The following HEATR5B variants were observed in gnomAD, a reference collection of about 807,000 sequenced individuals.
The protein encoded by HEATR5B is HEAT repeat-containing protein 5B.
HEATR5B carries 156 observed loss-of-function variants against 224.1 expected under a neutral mutation model. The ratio of observed to expected loss-of-function variants is 0.70; its 90% CI spans 0.61 to 0.80. The LOEUF (loss-of-function observed/expected upper bound fraction) is 0.80, where lower values mean the gene tolerates loss of function less well. Ranked by LOEUF, HEATR5B falls within the 30% of genes least tolerant of loss-of-function variation. The pLI is 0.00. For missense variants in HEATR5B, 2,323 were observed against 2,535.5 expected (o/e 0.92, Z 1.80); for synonymous variants, 1,027 against 893.0 (o/e 1.15, Z -2.68).
In HEATR5B at chr2:36,981,228, C is replaced by G; in HGVS notation, c.*262G>C. 3.0e-6 allele frequency: 1 copy of G among 329,168 alleles called. No homozygotes were observed. The highest frequency in any genetic ancestry group is 2.1e-5 in the African/African-American group (1 of 46,860). 20.4% of individuals were successfully genotyped at this position (329,168 alleles called of 1,614,324 possible). A position where few individuals can be genotyped will look rare whatever the true frequency, so the allele number is the denominator to read the frequency against. Reference sequence around the variant, plus strand: ...TTAGCATTTAAATTTAAGACTATGGCTCAGTGTTTGAAAAATAAATAAGTT... The same window carrying G: ...TTAGCATTTAAATTTAAGACTATGGGTCAGTGTTTGAAAAATAAATAAGTT... On this transcript the variant is annotated 3_prime_UTR_variant, in exon 36 of 36. Transcript: ENST00000233099.
chr2:37,033,900 T>C (rs575064620), intron 21 of HEATR5B, among the ~76,000 whole-genome samples: 1 of 152,202 alleles, frequency 6.6e-6, no homozygotes, highest in South Asian at 2.1e-4. Flanking sequence ...ATTATTAGTA[T>C]AAATCTGACT....
intron 35 of HEATR5B, among the ~76,000 whole-genome samples, chr2:36,984,200 C>CAAAAAAAAAAAAAAAAAAAAA (rs1208435239): frequency 1.0e-4 from 3 of 28,990 alleles, no homozygotes; most frequent in Non-Finnish European, 1.3e-4. Context: ...AACTCTGTCT[C>CAAAAAAAAAAAAAAAAAAAAA]AAAAAAAAAA....
At chr2:37,051,109 G>A (rs1312360250) in intron 17 of HEATR5B, among the ~76,000 whole-genome samples, 1 of 151,332 alleles carries the variant, frequency 6.6e-6, no homozygotes, top group Non-Finnish European at 1.5e-5. Context: ...TGTAATCCCA[G>A]CACTTTGGGA....
In HEATR5B at chr2:37,058,885, T is replaced by C; in HGVS notation, c.1949+3A>G. ...TGTGAACTTGTCTCAATCGCTTACT[T>C]ACTGTGACATCATAGTCATGGCACA... On this transcript the variant is annotated splice_donor_region_variant and intron_variant, in intron 13 of 35. Transcript: ENST00000233099. 1 of 1,555,684 alleles carries C rather than the reference T, an allele frequency of 6.4e-7. No homozygotes were observed. Among genetic ancestry groups the C allele is most frequent in the Non-Finnish European group, 8.9e-7 (1 of 1,129,880 alleles).
chr2:37,023,495 G>A (rs1358036956), intron 24 of HEATR5B, among the ~76,000 whole-genome samples: 2 of 152,152 alleles, frequency 1.3e-5, no homozygotes, highest in Non-Finnish European at 2.9e-5. Flanking sequence ...CTGGCCAGGT[G>A]CACTGACTCA....
chr2:37,053,415 A>G (rs772365350), intron 17 of HEATR5B, 87 bp downstream of exon 17: 15 of 625,280 alleles, frequency 2.4e-5, no homozygotes, highest in Non-Finnish European at 3.7e-5. Context: ...TTTACATATA[A>G]ACATTATAAT....
At chr2:37,082,809 T>C (rs1323100577) in intron 2 of HEATR5B, among the ~76,000 whole-genome samples, 2 of 152,224 alleles carry the variant, frequency 1.3e-5, no homozygotes, top group Non-Finnish European at 2.9e-5. Flanking sequence ...GATTTCCCAC[T>C]TTACACCTCT....
rs1671835109 is a variant in HEATR5B at position 37,070,375 on chromosome 2, TTC to T, written c.780_781del (p.Asn261CysfsTer7). On this transcript the variant is annotated frameshift_variant, in exon 7 of 36. Coordinates refer to ENST00000233099, the MANE Select transcript of HEATR5B (RefSeq NM_019024.3). LOFTEE classifies it high-confidence loss of function. ...TTCATCAAATGTTGCTCGCTTCACA[TTC>T]TGACGCATTACTTTCAAGAAGAAAA... 6.2e-7 allele frequency: 1 copy of T among 1,613,204 alleles called. No individual in the cohort carries two copies. Among genetic ancestry groups the T allele is most frequent in the Non-Finnish European group, 8.5e-7 (1 of 1,179,458 alleles).
At chr2:37,083,128 C>T (rs1257825432) in intron 2 of HEATR5B, among the ~76,000 whole-genome samples, 161 bp downstream of exon 2, 1 of 152,152 alleles carries the variant, frequency 6.6e-6, no homozygotes, top group African/African-American at 2.4e-5. Context: ...TGGATTTAAA[C>T]GAGGTTTGAG....
In HEATR5B at chr2:37,020,655, A is replaced by AT; in HGVS notation, c.4034dup (p.Asn1345LysfsTer27). On this transcript the variant is annotated frameshift_variant and splice_region_variant, in exon 25 of 36. Transcript: ENST00000233099. LOFTEE classifies it high-confidence loss of function. ...TTCTTAAATAAATAGAAAATCTCAC[A>AT]TTAGCCTGATACTGCTCCAGTATCA... 1 of 1,541,506 alleles carries AT rather than the reference A, an allele frequency of 6.5e-7. No homozygotes were observed. Among genetic ancestry groups the AT allele is most frequent in the Non-Finnish European group, 8.7e-7 (1 of 1,151,884 alleles).
chr2:36,996,061 A>AT (rs1402711106), intron 33 of HEATR5B, among the ~76,000 whole-genome samples: 1 of 131,172 alleles, frequency 7.6e-6, no homozygotes, highest in Non-Finnish European at 1.6e-5. Flanking sequence ...AAATAATGCA[A>AT]TTCTTTTTTT....
intron 5 of HEATR5B, among the ~76,000 whole-genome samples, 170 bp downstream of exon 5, chr2:37,075,315 T>A (rs1286070157): frequency 4.6e-5 from 7 of 152,134 alleles, no homozygotes; most frequent in Non-Finnish European, 4.4e-5. Flanking sequence ...AGAATACACA[T>A]ACACAAAAGT....
At chr2:37,074,043 C>T (rs1355082950) in intron 5 of HEATR5B, among the ~76,000 whole-genome samples, 3 of 151,984 alleles carry the variant, frequency 2.0e-5, no homozygotes, top group South Asian at 2.1e-4. Flanking sequence ...CTGGAGGGGC[C>T]GGGTGTGGTG....
intron 27 of HEATR5B, 71 bp downstream of exon 27, chr2:37,013,770 A>C: frequency 7.4e-7 from 1 of 1,347,796 alleles, no homozygotes; most frequent in Non-Finnish European, 1.0e-6. Context: ...TTTTACCAAC[A>C]AGAGTAGAGG....
chr2:36,981,368 G>A lies in HEATR5B; in HGVS notation c.*122C>T. 1 of 635,850 alleles carries A rather than the reference G, an allele frequency of 1.6e-6. No homozygotes were observed. Among genetic ancestry groups the A allele is most frequent in the Non-Finnish European group, 2.5e-6 (1 of 396,464 alleles). The allele number at this position is 635,850 out of a possible 1,614,324, so 39.4% of individuals were successfully genotyped here. A position where few individuals can be genotyped will look rare whatever the true frequency, so the allele number is the denominator to read the frequency against. The stretch of plus-strand genomic sequence containing the variant: ...GAGCATTATTTCACTTAACCTACTT[G>A]GAAGCACTATAATACCAATATACAA... On this transcript the variant is annotated 3_prime_UTR_variant, in exon 36 of 36. Coordinates refer to ENST00000233099, the MANE Select transcript of HEATR5B (RefSeq NM_019024.3).
In HEATR5B at chr2:37,020,751, A is replaced by G; in HGVS notation, c.3939T>C (p.Ala1313=). 1 of 1,610,402 alleles carries G rather than the reference A, an allele frequency of 6.2e-7. No homozygotes were observed. Among genetic ancestry groups the G allele is most frequent in the South Asian group, 1.1e-5 (1 of 90,222 alleles). The change falls in exon 25 of 36, where the codon GCT becomes GCC. Residue 1313 remains alanine, a synonymous_variant. Coordinates refer to ENST00000233099, the MANE Select transcript of HEATR5B (RefSeq NM_019024.3). ...ATDHSNQLRM[A]GLQALEDIIK... is the part of the protein sequence containing the mutation. Reference sequence around the variant, plus strand: ...TAATGTCTTCAAGCGCCTGGAGCCCAGCCATTCGCAGCTGGTTGCTATGAT... The same window carrying G: ...TAATGTCTTCAAGCGCCTGGAGCCCGGCCATTCGCAGCTGGTTGCTATGAT...
intron 18 of HEATR5B, among the ~76,000 whole-genome samples, chr2:37,048,484 C>G (rs1293103772): frequency 6.6e-6 from 1 of 151,474 alleles, no homozygotes; most frequent in Non-Finnish European, 1.5e-5. Context: ...CGCGCCCAGC[C>G]AAGGACACAT....
rs776312497 is a variant in HEATR5B, at chr2:37,020,843, A to G, written c.3854-7T>C. The G allele has an allele frequency of 2.0e-6, 3 of 1,467,100 alleles. No homozygotes were observed. Among genetic ancestry groups the G allele is most frequent in the Non-Finnish European group, 2.7e-6 (3 of 1,102,814 alleles). The allele number at this position is 1,467,100 out of a possible 1,614,324, so 90.9% of individuals were successfully genotyped here. A position where few individuals can be genotyped will look rare whatever the true frequency, so the allele number is the denominator to read the frequency against. On this transcript the variant is annotated splice_polypyrimidine_tract_variant and splice_region_variant and intron_variant, in intron 24 of 35. Transcript: ENST00000233099. ...TGAAGTACCAAGAGGTCATCTAAAA[A>G]TAAAAATAGAATGCAAAAATGAAAA... is the stretch of plus-strand genomic sequence containing the variant.
At chr2:37,038,146 G>C (rs75039337) in intron 20 of HEATR5B, 122 bp from the exon 21 acceptor site, 1 of 713,736 alleles carries the variant, frequency 1.4e-6, no homozygotes, top group Non-Finnish European at 2.0e-6. Context: ...GGTTTTTTTT[G>C]CTGTTGTTTT....
Sources: gnomAD v4.1 joint callset for allele counts (sites outside exome capture counted in the v4.1 genomes callset) on GRCh38, gnomAD v4.1.1 for gene constraint, MANE v1.5 for transcripts, NCBI Gene and HGNC (gene_info 2026-07-23, HGNC 2026-07-21) for gene names.